Variants in CALN1 observed in about 807,000 individuals in gnomAD.
CALN1 encodes the protein calcium-binding protein 8.
CALN1 carries 17 observed loss-of-function variants against 30.6 expected under a neutral mutation model. The ratio of observed to expected loss-of-function variants is 0.56; its 90% CI spans 0.38 to 0.83. The LOEUF is 0.83. Ranked by LOEUF, CALN1 falls within the 40% of genes least tolerant of loss-of-function variation. CALN1 has a pLI of 0.00. For synonymous variants in CALN1, 156 were observed against 131.4 expected, an observed-to-expected ratio of 1.19 and a Z score of -1.28; for missense variants, 291 against 354.9, an observed-to-expected ratio of 0.82 and a Z score of 1.45.
chr7:71,872,402 G>A (rs773215371), intron 5 of CALN1, among the ~76,000 whole-genome samples: 1 of 152,076 alleles, frequency 6.6e-6, no homozygotes, highest in Non-Finnish European at 1.5e-5. Flanking sequence ...TTTTAACTTA[G>A]TACCAGAATG....
chr7:71,868,182 T>C (rs1237159002), intron 5 of CALN1, among the ~76,000 whole-genome samples: 9 of 152,082 alleles, frequency 5.9e-5, no homozygotes, highest in Non-Finnish European at 1.0e-4. Context: ...TATAAAGAAA[T>C]ACCTGAGACT....
At chr7:71,904,005 T>A (rs1009132791) in intron 5 of CALN1, among the ~76,000 whole-genome samples, 1 of 152,132 alleles carries the variant, frequency 6.6e-6, no homozygotes, top group Non-Finnish European at 1.5e-5. Context: ...TGAGATATCA[T>A]CTCACCCCAG....
chr7:72,354,138 A>G (rs1218032233), intron 2 of CALN1, among the ~76,000 whole-genome samples: 1 of 152,132 alleles, frequency 6.6e-6, no homozygotes, highest in Non-Finnish European at 1.5e-5. Flanking sequence ...AGTGAAACGA[A>G]ATTGTGCCAC....
At chr7:72,408,666 T>TGGTG (rs1806876757) in intron 1 of CALN1, among the ~76,000 whole-genome samples, 1 of 112,822 alleles carries the variant, frequency 8.9e-6, no homozygotes, top group Non-Finnish European at 1.8e-5. Context: ...CACCAATTAT[T>TGGTG]ATCTTTTCCT....
chr7:71,931,042 G>T (rs540750095), intron 5 of CALN1, among the ~76,000 whole-genome samples: 22 of 152,230 alleles, frequency 1.4e-4, no homozygotes, highest in Middle Eastern at 6.8e-3. Flanking sequence ...AAAAATCAAG[G>T]AAACTGTGGA....
chr7:71,906,818 C>G (rs1312239486), intron 5 of CALN1, among the ~76,000 whole-genome samples: 2 of 152,232 alleles, frequency 1.3e-5, no homozygotes, highest in Non-Finnish European at 2.9e-5. Flanking sequence ...AGGAGTAAGA[C>G]TGGCAGCAGC....
intron 4 of CALN1, among the ~76,000 whole-genome samples, chr7:72,071,173 C>G (rs1450958927): frequency 6.6e-6 from 1 of 152,184 alleles, no homozygotes. Context: ...AATCCCATGG[C>G]AGGGAGATGT....
intron 2 of CALN1, among the ~76,000 whole-genome samples, chr7:72,316,989 A>AAAAGG (rs141891894): frequency 8.0e-5 from 12 of 150,186 alleles, no homozygotes; most frequent in South Asian, 2.1e-4. Context: ...AAAGGAAAAA[A>AAAAGG]AAAGGAAAGG....
At chr7:72,401,343 C>T (rs1212932313) in intron 2 of CALN1, among the ~76,000 whole-genome samples, 1 of 152,158 alleles carries the variant, frequency 6.6e-6, no homozygotes, top group Non-Finnish European at 1.5e-5. Context: ...AGACCTTGAC[C>T]ACAGATCTCC....
intron 2 of CALN1, among the ~76,000 whole-genome samples, chr7:72,322,165 C>A (rs1329113522): frequency 6.6e-6 from 1 of 152,072 alleles, no homozygotes; most frequent in Non-Finnish European, 1.5e-5. Flanking sequence ...CTGGATGGTC[C>A]CATCCGGGGG....
chr7:71,887,541 C>T lies in CALN1; in HGVS notation c.502-77049G>A, dbSNP rs144618584. On this transcript the variant is annotated intron_variant, in intron 5 of 6. Transcript: ENST00000395275. The stretch of plus-strand genomic sequence containing the variant: ...TTGAACCCCCCCACTTCAGGTGATC[C>T]ACCCGCCTCGGCCTCCCAAAGTGCT... Among the ~76,000 whole-genome samples the T allele has an allele frequency of 3.7e-3, 566 of 152,278 alleles. 2 individuals are homozygous for T. Among genetic ancestry groups the T allele is most frequent in the Middle Eastern group, 6.8e-3 (2 of 294 alleles).
At chr7:71,802,292 G>A (rs532102856) in intron 6 of CALN1, among the ~76,000 whole-genome samples, 18 of 152,230 alleles carry the variant, frequency 1.2e-4, no homozygotes, top group Admixed American at 2.0e-4. Context: ...ATATACATTC[G>A]TCTCAGTGTC....
At chr7:72,106,449 C>T (rs958325385) in intron 3 of CALN1, among the ~76,000 whole-genome samples, 155 bp from the exon 4 acceptor site, 3 of 136,936 alleles carry the variant, frequency 2.2e-5, no homozygotes, top group African/African-American at 8.3e-5. Context: ...AGAAGAAGAA[C>T]AGAAGAAAAG....
rs945009810 is a variant in CALN1, at chr7:72,179,565, A to AAT, written c.245-73273_245-73272dup. Among the ~76,000 whole-genome samples, 10 of 151,874 alleles carry AAT rather than the reference A, an allele frequency of 6.6e-5. No individual in the cohort carries two copies. The East Asian group carries it at 7.7e-4, about 12-fold the overall frequency. ...ATTAAAACTGAAGAAGAAAATAATA[A>AAT]ATATATATATATGAATATAAGCACA... On this transcript the variant is annotated intron_variant, in intron 3 of 6. Transcript: ENST00000395275.
intron 3 of CALN1, among the ~76,000 whole-genome samples, chr7:72,217,554 G>C (rs1341639435): frequency 6.6e-6 from 1 of 152,114 alleles, no homozygotes; most frequent in East Asian, 1.9e-4. Context: ...GCCAGATGAA[G>C]AAATGGGCCA....
chr7:71,933,719 T>C (rs182022823), intron 5 of CALN1, among the ~76,000 whole-genome samples: 5 of 152,338 alleles, frequency 3.3e-5, no homozygotes, highest in Admixed American at 2.6e-4. Flanking sequence ...CTAGAATTAA[T>C]TCTCTATATA....
At chr7:72,309,105 C>T (rs1023854514) in intron 2 of CALN1, among the ~76,000 whole-genome samples, 5 of 152,176 alleles carry the variant, frequency 3.3e-5, no homozygotes, top group Non-Finnish European at 5.9e-5. Context: ...CAGTTTAGCT[C>T]CAGAGGCAAC....
chr7:72,362,959 T>C (rs972472762), intron 2 of CALN1, among the ~76,000 whole-genome samples: 3 of 152,236 alleles, frequency 2.0e-5, no homozygotes, highest in Admixed American at 6.5e-5. Context: ...GCCAGCAGCC[T>C]GGCCCAGATA....
chr7:72,205,551 A>AAAATATATAC, intron 3 of CALN1, among the ~76,000 whole-genome samples: 19 of 83,040 alleles, frequency 2.3e-4, no homozygotes, highest in African/African-American at 1.1e-3. Context: ...GCAAAAAAAA[A>AAAATATATAC]ATATATATAT....
Sources: gnomAD v4.1 joint callset for allele counts (sites outside exome capture counted in the v4.1 genomes callset) on GRCh38, gnomAD v4.1.1 for gene constraint, MANE v1.5 for transcripts, NCBI Gene and HGNC (gene_info 2026-07-23, HGNC 2026-07-21) for gene names.